MSANTD5: variants seen among roughly 807,000 people sequenced by gnomAD.
MSANTD5 encodes uncharacterized protein MSANTD5.
chr5:178,694,491 T>A (rs1405956927), downstream of MSANTD5: 1 of 152,168 alleles, frequency 6.6e-6, no homozygotes, highest in Admixed American at 6.5e-5. Flanking sequence ...CTGAGCTCCC[T>A]CCCTGTCCCA....
upstream of MSANTD5, among the ~76,000 whole-genome samples, chr5:178,702,092 A>T (rs970115414): frequency 1.7e-4 from 25 of 151,326 alleles, no homozygotes; most frequent in South Asian, 6.2e-4. Flanking sequence ...TAAAAAAAAA[A>T]AAAATAAAAA....
At chr5:178,698,372 A>G (rs1440043043), upstream of MSANTD5, among the ~76,000 whole-genome samples, 1 of 152,132 alleles carries the variant, frequency 6.6e-6, no homozygotes, top group East Asian at 1.9e-4. Context: ...CTGAGTGCCC[A>G]GCATGTGAGG....
At chr5:178,705,840 C>T in the MSANTD5 span, among the ~76,000 whole-genome samples, 7 of 152,060 alleles carry the variant, frequency 4.6e-5, no homozygotes, top group South Asian at 1.5e-3. Context: ...GCCTGTAGTC[C>T]CAGCTACTCA....
At chr5:178,700,447 C>T (rs1224316526), upstream of MSANTD5, among the ~76,000 whole-genome samples, 3 of 152,198 alleles carry the variant, frequency 2.0e-5, no homozygotes, top group Admixed American at 6.5e-5. Context: ...GTTATTCTAA[C>T]GCTAGTCTGG....
downstream of MSANTD5, among the ~76,000 whole-genome samples, chr5:178,692,252 C>T (rs541229025): frequency 2.9e-4 from 44 of 149,390 alleles, 10 homozygotes; most frequent in African/African-American, 7.9e-4. Flanking sequence ...TGGTGGCAGG[C>T]GCCTGTAATC....
chr5:178,697,630 T>C (rs946476079), exon 1 of MSANTD5: 6 of 152,200 alleles, frequency 3.9e-5, no homozygotes, highest in Non-Finnish European at 8.8e-5. Context: ...CTTCTCACTG[T>C]GCCTGCAGGG....
At chr5:178,691,676 A>T (rs985102703), downstream of MSANTD5, among the ~76,000 whole-genome samples, 95 of 136,772 alleles carry the variant, frequency 6.9e-4, 15 homozygotes, top group African/African-American at 1.5e-3. Flanking sequence ...AATATATTTT[A>T]AAAAACTCTC....
the MSANTD5 span, among the ~76,000 whole-genome samples, chr5:178,705,238 G>A: frequency 6.6e-6 from 1 of 152,126 alleles, no homozygotes; most frequent in Non-Finnish European, 1.5e-5. Flanking sequence ...AGTAGAGATG[G>A]GGTTTTGCCA....
chr5:178,704,656 G>A, the MSANTD5 span, among the ~76,000 whole-genome samples: 1 of 152,220 alleles, frequency 6.6e-6, no homozygotes, highest in Non-Finnish European at 1.5e-5. Flanking sequence ...AGAGATTTGG[G>A]GAGCAAGTCA....
chr5:178,698,749 C>CTTTT (rs70997624), upstream of MSANTD5, among the ~76,000 whole-genome samples: 204 of 98,766 alleles, frequency 2.1e-3, 2 homozygotes, highest in African/African-American at 4.7e-3. Flanking sequence ...CATGCTTGGC[C>CTTTT]TTTTTTTTTT....
upstream of MSANTD5, among the ~76,000 whole-genome samples, chr5:178,700,060 G>A (rs973738765): frequency 3.3e-5 from 5 of 152,140 alleles, no homozygotes; most frequent in South Asian, 2.1e-4. Context: ...GTGTGGCCTC[G>A]GGGCCTTTGC....
the MSANTD5 span, among the ~76,000 whole-genome samples, chr5:178,703,514 A>AT: frequency 6.6e-6 from 1 of 152,146 alleles, no homozygotes. Flanking sequence ...AGCTGCTTCT[A>AT]TTTTCAACAT....
chr5:178,697,230 G>C (rs549915338), intron 1 of MSANTD5, among the ~76,000 whole-genome samples: 1 of 151,786 alleles, frequency 6.6e-6, no homozygotes, highest in Admixed American at 6.6e-5. Context: ...CGAGGCGGGC[G>C]GATCACGAGG....
chr5:178,706,816 T>A, the MSANTD5 span: 2 of 152,162 alleles, frequency 1.3e-5, no homozygotes, highest in Non-Finnish European at 2.9e-5. Flanking sequence ...ACCTTGGGAA[T>A]CTGCTGGGAT....
chr5:178,700,701 A>G (rs948192217), upstream of MSANTD5, among the ~76,000 whole-genome samples: 3 of 131,688 alleles, frequency 2.3e-5, no homozygotes, highest in Non-Finnish European at 3.4e-5. Flanking sequence ...AGAGGGTCCC[A>G]GGTGGGTCTG....
At chr5:178,699,937 T>TCTGAGGGGGACCCTGCTTA (rs58269048), upstream of MSANTD5, among the ~76,000 whole-genome samples, 1 of 146,788 alleles carries the variant, frequency 6.8e-6, no homozygotes, top group Non-Finnish European at 1.5e-5. Context: ...TTCTGTGGCT[T>TCTGAGGGGGACCCTGCTTA]TCCAGCACAG....
At chr5:178,706,769 TCTG>T in the MSANTD5 span, among the ~76,000 whole-genome samples, 1 of 152,022 alleles carries the variant, frequency 6.6e-6, no homozygotes, top group Non-Finnish European at 1.5e-5. Flanking sequence ...TTCCCCTTCT[TCTG>T]CCACAGCCCT....
downstream of MSANTD5, among the ~76,000 whole-genome samples, chr5:178,692,973 A>G (rs112899238): frequency 1.1e-3 from 173 of 151,982 alleles, 3 homozygotes; most frequent in Non-Finnish European, 4.1e-4. Context: ...TTGTTACAAC[A>G]GCATGTAGAA....
upstream of MSANTD5, among the ~76,000 whole-genome samples, chr5:178,700,663 C>G (rs990078881): frequency 6.6e-6 from 1 of 151,168 alleles, no homozygotes; most frequent in Non-Finnish European, 1.5e-5. Flanking sequence ...GTGTGACCAT[C>G]CAGGTTGATC....
Sources: allele counts gnomAD v4.1 joint callset (sites outside exome capture counted in the v4.1 genomes callset), GRCh38; gene constraint gnomAD v4.1.1; transcripts MANE v1.5; gene names NCBI Gene and HGNC (gene_info 2026-07-23, HGNC 2026-07-21).